The following SLC22A23 variants were observed in gnomAD, a reference collection of about 807,000 sequenced individuals.
SLC22A23 encodes ion transporter protein.
A neutral mutation model predicts 61.0 loss-of-function variants in SLC22A23; 26 were observed. The observed-to-expected ratio is 0.43, with a 90% CI of 0.31 to 0.59. The LOEUF is 0.59. Ranked by LOEUF, SLC22A23 falls within the 20% of genes least tolerant of loss-of-function variation. The pLI, the probability that SLC22A23 is intolerant of heterozygous loss-of-function variation, is 0.11. For missense variants in SLC22A23, 796 were observed against 934.7 expected, an observed-to-expected ratio of 0.85 and a Z score of 1.94; for synonymous variants, 430 against 413.9, an observed-to-expected ratio of 1.04 and a Z score of -0.47.
chr6:3,422,986 T>C (rs980212673), intron 1 of SLC22A23, among the ~76,000 whole-genome samples: 1 of 152,186 alleles, frequency 6.6e-6, no homozygotes, highest in African/African-American at 2.4e-5. Context: ...CGTAGTCCCA[T>C]TTTAATGAGT....
intron 1 of SLC22A23, among the ~76,000 whole-genome samples, chr6:3,432,977 C>T (rs1451373156): frequency 3.9e-5 from 6 of 152,222 alleles, no homozygotes; most frequent in Non-Finnish European, 2.9e-5. Context: ...GCTTGAAACC[C>T]TACAAGCTGG....
chr6:3,352,626 C>A (rs1764843868), intron 3 of SLC22A23, among the ~76,000 whole-genome samples: 1 of 152,168 alleles, frequency 6.6e-6, no homozygotes, highest in South Asian at 2.1e-4. Flanking sequence ...GAGAAACCTG[C>A]TACTGGGACT....
At chr6:3,377,400 G>A (rs777388533) in intron 3 of SLC22A23, among the ~76,000 whole-genome samples, 4 of 152,224 alleles carry the variant, frequency 2.6e-5, no homozygotes, top group Non-Finnish European at 4.4e-5. Flanking sequence ...ATGGAAAGCA[G>A]TGGGATGAAT....
intron 3 of SLC22A23, among the ~76,000 whole-genome samples, chr6:3,409,202 A>G (rs538097523): frequency 8.5e-5 from 13 of 152,372 alleles, no homozygotes; most frequent in Admixed American, 7.2e-4. Flanking sequence ...AGAAACTACA[A>G]TTCAGTTAAA....
chr6:3,321,711 C>T lies in SLC22A23; in HGVS notation c.1082+2123G>A, dbSNP rs1031316216. Among the ~76,000 whole-genome samples, 6 of 152,292 alleles carry T rather than the reference C, an allele frequency of 3.9e-5. No homozygotes were observed. In the East Asian group the frequency reaches 1.2e-3, roughly 29 times the overall value. On this transcript the variant is annotated intron_variant, in intron 4 of 9. Coordinates refer to ENST00000406686, the MANE Select transcript of SLC22A23 (RefSeq NM_015482.2). Reference sequence around the variant, plus strand: ...CACTCCTGCCTGGGACAGGTGGGTGCAGAGCCTGGGGTGAGGGAAACAACC... The same window carrying T: ...CACTCCTGCCTGGGACAGGTGGGTGTAGAGCCTGGGGTGAGGGAAACAACC...
chr6:3,391,556 A>G (rs1767663786), intron 3 of SLC22A23, among the ~76,000 whole-genome samples: 1 of 152,238 alleles, frequency 6.6e-6, no homozygotes, highest in Non-Finnish European at 1.5e-5. Context: ...GAATTCATTC[A>G]TTCATCAAAC....
rs548206783 is a variant in SLC22A23 at position 3,372,251 on chromosome 6, A to G, written c.913+37937T>C. Among the ~76,000 whole-genome samples, 396 of 152,330 alleles carry G rather than the reference A, an allele frequency of 2.6e-3. 1 individual carries two copies. The highest frequency in any genetic ancestry group is 6.8e-3 in the Middle Eastern group (2 of 294). Reference sequence around the variant, plus strand: ...GGAAGTCTGAAGCAGGGTAAACACCATCGGGCCAGTAAATCTTGTCCATCT... The same window carrying G: ...GGAAGTCTGAAGCAGGGTAAACACCGTCGGGCCAGTAAATCTTGTCCATCT... On this transcript the variant is annotated intron_variant, in intron 3 of 9. Coordinates refer to ENST00000406686, the MANE Select transcript of SLC22A23 (RefSeq NM_015482.2). This position sits in a 1 kb window ranked among gnomAD's most constrained non-coding sequence, Gnocchi z 4.7.
chr6:3,301,602 A>G (rs976292334), intron 4 of SLC22A23, among the ~76,000 whole-genome samples: 2 of 152,210 alleles, frequency 1.3e-5, no homozygotes, highest in African/African-American at 4.8e-5. Flanking sequence ...AATGAAGAAC[A>G]AGGCCCAGAT....
chr6:3,424,864 C>A (rs889580051), intron 1 of SLC22A23, among the ~76,000 whole-genome samples: 1 of 152,196 alleles, frequency 6.6e-6, no homozygotes, highest in African/African-American at 2.4e-5. Flanking sequence ...ACTATGTGGC[C>A]CTTTTTAGAA....
chr6:3,401,432 AT>A (rs1561953909), intron 3 of SLC22A23, among the ~76,000 whole-genome samples: 1 of 143,784 alleles, frequency 7.0e-6, no homozygotes, highest in African/African-American at 3.0e-5. Flanking sequence ...TAAAAAAAAA[AT>A]ATAACTTTCT....
chr6:3,300,588 C>G (rs999275874), intron 4 of SLC22A23, among the ~76,000 whole-genome samples: 1 of 152,180 alleles, frequency 6.6e-6, no homozygotes, highest in African/African-American at 2.4e-5. Flanking sequence ...GCCTCCAGAA[C>G]TGTGAGCAAT....
At chr6:3,287,552 T>C (rs1343698701) in intron 6 of SLC22A23, among the ~76,000 whole-genome samples, 1 of 152,190 alleles carries the variant, frequency 6.6e-6, no homozygotes, top group Non-Finnish European at 1.5e-5. Flanking sequence ...GCAGCTTTTC[T>C]GGGCACTTAG....
At chr6:3,438,621 A>T in intron 1 of SLC22A23, 1 of 430,910 alleles carries the variant, frequency 2.3e-6, no homozygotes, top group Admixed American at 2.7e-5. Flanking sequence ...ACATTTTGAA[A>T]ATAAGTACCT....
At chr6:3,384,700 G>A (rs1399189558) in intron 3 of SLC22A23, among the ~76,000 whole-genome samples, 1 of 152,206 alleles carries the variant, frequency 6.6e-6, no homozygotes, top group Non-Finnish European at 1.5e-5. Context: ...AAAGAACACA[G>A]TGATTTTAAA....
chr6:3,403,305 C>T (rs140314875), intron 3 of SLC22A23, among the ~76,000 whole-genome samples: 2 of 151,024 alleles, frequency 1.3e-5, no homozygotes, highest in Admixed American at 6.6e-5. Flanking sequence ...TTTTTCTGGT[C>T]GACTCAGCTT....
chr6:3,272,330 C>T lies in SLC22A23; in HGVS notation c.*725G>A, dbSNP rs916708070. The T allele has an allele frequency of 1.3e-5, 2 of 152,696 alleles. No individual in the cohort carries two copies. Among genetic ancestry groups the T allele is most frequent in the African/African-American group, 4.8e-5 (2 of 41,400 alleles). The allele number at this position is 152,696 out of a possible 1,614,324, so 9.5% of individuals were successfully genotyped here. A position where few individuals can be genotyped will look rare whatever the true frequency, so the allele number is the denominator to read the frequency against. ...TAGCTGTGTACTCACAAAGCTGTGG[C>T]GATATGACTGCTGCTCAATTAAGAT... On this transcript the variant is annotated 3_prime_UTR_variant, in exon 10 of 10. Coordinates refer to ENST00000406686, the MANE Select transcript of SLC22A23 (RefSeq NM_015482.2).
In SLC22A23 at chr6:3,318,325, A is replaced by C. The variant is rs1419981608; in HGVS notation, c.1082+5509T>G. Among the ~76,000 whole-genome samples the C allele has an allele frequency of 6.6e-6, 1 of 152,058 alleles. No individual in the cohort carries two copies. The highest frequency in any genetic ancestry group is 2.4e-5 in the African/African-American group (1 of 41,402). ...GTACTTTTCACACACAAACCAACCC[A>C]TCCAGAGCCGATACCCCAACCACTT... On this transcript the variant is annotated intron_variant, in intron 4 of 9. Coordinates refer to ENST00000406686, the MANE Select transcript of SLC22A23 (RefSeq NM_015482.2). This position sits in a 1 kb window ranked among gnomAD's most constrained non-coding sequence, Gnocchi z 4.3.
At chr6:3,359,357 T>A (rs1387307967) in intron 3 of SLC22A23, among the ~76,000 whole-genome samples, 1 of 152,222 alleles carries the variant, frequency 6.6e-6, no homozygotes. Flanking sequence ...GTCACACATA[T>A]AACTATCCAT....
At position 3,456,416 on chromosome 6, in the gene SLC22A23, C is replaced by T. The variant is rs1231152282; in HGVS notation, c.144G>A (p.Ala48=). The T allele has an allele frequency of 5.8e-6, 8 of 1,381,712 alleles. No homozygotes were observed. Among genetic ancestry groups the T allele is most frequent in the Non-Finnish European group, 7.5e-6 (8 of 1,066,024 alleles). The allele number at this position is 1,381,712 out of a possible 1,614,324, so 85.6% of individuals were successfully genotyped here. A position where few individuals can be genotyped will look rare whatever the true frequency, so the allele number is the denominator to read the frequency against. ...LGGRAGPGGG[A]EIQPLPPLHP... is the part of the protein sequence containing the mutation. ...GCAGTGGGGGCAGCGGCTGGATCTC[C>T]GCGCCGCCGCCGGGGCCCGCGCGTC... The change falls in exon 1 of 10, where the codon GCG becomes GCA. Residue 48 remains alanine (A), a synonymous_variant. Coordinates refer to ENST00000406686, the MANE Select transcript of SLC22A23 (RefSeq NM_015482.2). The surrounding 1 kb of genome is among the most constrained non-coding windows in gnomAD (Gnocchi z 7.1).
Sources: allele counts gnomAD v4.1 joint callset (sites outside exome capture counted in the v4.1 genomes callset), GRCh38; gene constraint gnomAD v4.1.1; non-coding constraint Gnocchi (gnomAD v3.1); transcripts MANE v1.5; gene names NCBI Gene and HGNC (gene_info 2026-07-23, HGNC 2026-07-21).